The following RB1CC1 variants were observed in gnomAD, a reference collection of about 807,000 sequenced individuals.
The protein encoded by RB1CC1 is RB1 inducible coiled-coil 1, also known as RB1-inducible coiled-coil protein 1.
Under a neutral mutation model 177.5 loss-of-function variants are expected in RB1CC1, and 46 were observed. The ratio of observed to expected loss-of-function variants is 0.26; its 90% confidence interval spans 0.20 to 0.33. The LOEUF is 0.33. Among genes scored for constraint, RB1CC1 ranks in the 10% least tolerant of loss-of-function variants. RB1CC1 has a pLI of 1.00. For missense variants in RB1CC1, 1,703 were observed against 1,816.3 expected (o/e 0.94, Z 1.13); for synonymous variants, 666 against 613.6 (o/e 1.09, Z -1.26).
intron 8 of RB1CC1, among the ~76,000 whole-genome samples, chr8:52,666,074 T>C (rs942210755): frequency 4.6e-5 from 7 of 152,184 alleles, no homozygotes; most frequent in African/African-American, 1.2e-4. Context: ...TAATTTACGA[T>C]GGTAACTGCC....
intron 3 of RB1CC1, among the ~76,000 whole-genome samples, chr8:52,684,811 C>T (rs545508231): frequency 1.3e-5 from 2 of 152,068 alleles, no homozygotes; most frequent in Non-Finnish European, 2.9e-5. Context: ...TAGGTACTTA[C>T]AACAATGGAA....
At chr8:52,633,289 T>A (rs1224435906) in intron 20 of RB1CC1, among the ~76,000 whole-genome samples, 1 of 152,182 alleles carries the variant, frequency 6.6e-6, no homozygotes, top group Non-Finnish European at 1.5e-5. Context: ...TCACAATTAA[T>A]CTACAAACAT....
chr8:52,660,468 A>G, intron 12 of RB1CC1, 128 bp downstream of exon 12: 2 of 910,934 alleles, frequency 2.2e-6, no homozygotes. Context: ...TTAAAGCCAA[A>G]AACACTTTTA....
intron 1 of RB1CC1, among the ~76,000 whole-genome samples, chr8:52,701,010 A>T (rs1855998582): frequency 6.6e-6 from 1 of 152,216 alleles, no homozygotes; most frequent in African/African-American, 2.4e-5. Flanking sequence ...AGATTCTACA[A>T]GTAAGTTGTA....
chr8:52,628,252 C>A, intron 21 of RB1CC1, 84 bp from the exon 22 acceptor site: 1 of 1,228,698 alleles, frequency 8.1e-7, no homozygotes, highest in Non-Finnish European at 1.2e-6. Context: ...ACTTAATGCT[C>A]AACTACATAT....
intron 16 of RB1CC1, 120 bp downstream of exon 16, chr8:52,645,582 C>T (rs1324542821): frequency 1.5e-5 from 15 of 1,021,566 alleles, no homozygotes; most frequent in Non-Finnish European, 2.1e-5. Flanking sequence ...TTAACAGGAT[C>T]AATGTAAGGA....
At chr8:52,675,805 T>G in intron 6 of RB1CC1, among the ~76,000 whole-genome samples, 1 of 138,238 alleles carries the variant, frequency 7.2e-6, no homozygotes. Flanking sequence ...AAGAATGGAG[T>G]AAACCTGGGA....
chr8:52,628,188 T>C lies in RB1CC1; in HGVS notation c.4500-20A>G. 1 of 1,601,902 alleles carries C rather than the reference T, an allele frequency of 6.2e-7. No homozygotes were observed. Among genetic ancestry groups the C allele is most frequent in the Non-Finnish European group, 8.5e-7 (1 of 1,172,372 alleles). On this transcript the variant is annotated intron_variant, in intron 21 of 23. Coordinates refer to ENST00000025008, the MANE Select transcript of RB1CC1 (RefSeq NM_014781.5). ...TGAAAACTGAATAAAGAAATGCAAT[T>C]TTATTGACTTAGAGTTACTTTCAAT...
At chr8:52,662,719 A>T (rs978502732) in intron 8 of RB1CC1, among the ~76,000 whole-genome samples, 10 of 152,058 alleles carry the variant, frequency 6.6e-5, no homozygotes, top group Non-Finnish European at 1.5e-4. Flanking sequence ...TTTAGATTTG[A>T]ATGATATATA....
intron 1 of RB1CC1, among the ~76,000 whole-genome samples, chr8:52,699,770 G>GAT (rs1855826879): frequency 8.4e-6 from 1 of 118,812 alleles, no homozygotes; most frequent in South Asian, 2.9e-4. Flanking sequence ...AGTGAGCCGA[G>GAT]ATTCTGCCAC....
At chr8:52,655,949 C>T in intron 15 of RB1CC1, 59 bp downstream of exon 15, 5 of 1,312,914 alleles carry the variant, frequency 3.8e-6, no homozygotes, top group Non-Finnish European at 4.2e-6. Flanking sequence ...ACTGTGATTA[C>T]ACACAAACGA....
intron 18 of RB1CC1, among the ~76,000 whole-genome samples, chr8:52,639,825 A>G (rs572647189): frequency 2.6e-5 from 4 of 152,184 alleles, no homozygotes; most frequent in African/African-American, 9.7e-5. Context: ...CATGATGACT[A>G]TATCATCATA....
rs754265276 is a variant in RB1CC1 at position 52,657,754 on chromosome 8, G to A, written c.2075C>T (p.Pro692Leu). ...AAACGTATGTGCATCAATACTATCTGGAGATAATTCTTCTAAGGGACAAAC... is the reference window on the plus strand; with the variant it reads ...AAACGTATGTGCATCAATACTATCTAGAGATAATTCTTCTAAGGGACAAAC... Reference protein sequence around the residue: ...PAVCPLEELSPDSIDAHTFDF... With the variant: ...PAVCPLEELSLDSIDAHTFDF... The change falls in exon 15 of 24, where the codon CCA (proline) becomes CTA (leucine). Residue 692 changes from proline (P) to leucine (L), a missense_variant. Physicochemically the swap from Pro to Leu is moderately conservative, Grantham distance 98. Transcript: ENST00000025008. 3.1e-6 allele frequency: 5 copies of A among 1,613,884 alleles called. No homozygotes were observed. Among genetic ancestry groups the A allele is most frequent in the East Asian group, 2.2e-5 (1 of 44,840 alleles).
At chr8:52,698,399 C>T (rs1855649627) in intron 1 of RB1CC1, among the ~76,000 whole-genome samples, 1 of 151,440 alleles carries the variant, frequency 6.6e-6, no homozygotes, top group South Asian at 2.1e-4. Context: ...CTTGGCTCAC[C>T]GGAAGCTCCG....
intron 18 of RB1CC1, among the ~76,000 whole-genome samples, chr8:52,641,059 G>C (rs1052356315): frequency 6.6e-6 from 1 of 152,042 alleles, no homozygotes; most frequent in Non-Finnish European, 1.5e-5. Flanking sequence ...GTTTCTTACT[G>C]TGTACCACAC....
At chr8:52,629,998 T>C (rs1309677403) in intron 21 of RB1CC1, among the ~76,000 whole-genome samples, 1 of 152,214 alleles carries the variant, frequency 6.6e-6, no homozygotes, top group Non-Finnish European at 1.5e-5. Context: ...GTCACTCATA[T>C]TTGGCTCAGA....
At chr8:52,681,008 T>TC (rs1315270656) in intron 5 of RB1CC1, among the ~76,000 whole-genome samples, 2 of 149,582 alleles carry the variant, frequency 1.3e-5, no homozygotes, top group African/African-American at 2.5e-5. Flanking sequence ...TTTTTTTTTT[T>TC]TGAGATGAAG....
At chr8:52,645,609 A>ATC in intron 16 of RB1CC1, 93 bp downstream of exon 16, 1 of 1,284,158 alleles carries the variant, frequency 7.8e-7, no homozygotes, top group Non-Finnish European at 1.1e-6. Context: ...CATCTAAGAT[A>ATC]TAAGAAACCC....
At position 52,656,459 on chromosome 8, in the gene RB1CC1, C is replaced by T; in HGVS notation, c.3370G>A (p.Glu1124Lys). ...NNENYQVGLAELRTLMTIEKD... is the reference protein window; with the variant it reads ...NNENYQVGLAKLRTLMTIEKD... ...TCAATTGTCATTAAAGTTCTTAGCT[C>T]TGCTAAGCCCACCTGATAATTTTCA... is the stretch of plus-strand genomic sequence containing the variant. Residue 1124 changes from glutamate (E) to lysine (K), a missense_variant, in exon 15 of 24, where the codon GAG becomes AAG. Around this residue, in one of 6 missense-constraint regions of RB1CC1, gnomAD observed 1,169 missense variants for 1,184.7 expected, o/e 0.99. Coordinates refer to ENST00000025008, the MANE Select transcript of RB1CC1 (RefSeq NM_014781.5). 9 of 1,611,362 alleles carry T rather than the reference C, an allele frequency of 5.6e-6. No homozygotes were observed. The highest frequency in any genetic ancestry group is 5.1e-6 in the Non-Finnish European group (6 of 1,179,612).
Sources: gnomAD v4.1 joint callset for allele counts (sites outside exome capture counted in the v4.1 genomes callset) on GRCh38, gnomAD v4.1.1 for gene constraint, gnomAD v4.1.1 regional missense constraint, MANE v1.5 for transcripts, NCBI Gene and HGNC (gene_info 2026-07-23, HGNC 2026-07-21) for gene names.